HS3ST5: variants seen among roughly 807,000 people sequenced by gnomAD.
The protein encoded by HS3ST5 is heparan sulfate glucosamine 3-O-sulfotransferase 5.
A neutral mutation model predicts 25.4 loss-of-function variants in HS3ST5; 10 were observed. That is an observed-to-expected ratio of 0.39 (90% CI 0.24 to 0.67). The LOEUF (loss-of-function observed/expected upper bound fraction) is 0.67, where lower values mean the gene tolerates loss of function less well. Ranked by LOEUF, HS3ST5 falls within the 30% of genes least tolerant of loss-of-function variation. The probability of loss-of-function intolerance (pLI) is 0.44; values close to 1 mark genes in which losing one functional copy is unlikely to be tolerated. For synonymous variants in HS3ST5, 170 were observed against 162.4 expected (o/e 1.05, Z -0.36); for missense variants, 324 against 420.7 (o/e 0.77, Z 2.01).
chr6:114,163,893 T>C (rs913813653), intron 3 of HS3ST5, among the ~76,000 whole-genome samples: 3 of 152,160 alleles, frequency 2.0e-5, no homozygotes, highest in Admixed American at 6.5e-5. Flanking sequence ...GGTTCTACCA[T>C]TTATTAGTTT....
At chr6:114,266,992 T>C (rs773787059) in intron 1 of HS3ST5, among the ~76,000 whole-genome samples, 1 of 152,228 alleles carries the variant, frequency 6.6e-6, no homozygotes, top group African/African-American at 2.4e-5. Context: ...TTTTATTGCA[T>C]CTTATTATTG....
intron 3 of HS3ST5, among the ~76,000 whole-genome samples, chr6:114,157,806 A>T (rs573140712): frequency 3.3e-5 from 5 of 152,142 alleles, no homozygotes; most frequent in Non-Finnish European, 7.4e-5. Context: ...AGTCTATACA[A>T]CCTTAATGCT....
intron 3 of HS3ST5, among the ~76,000 whole-genome samples, chr6:114,064,547 G>A (rs185966422): frequency 6.6e-6 from 1 of 152,252 alleles, no homozygotes; most frequent in Non-Finnish European, 1.5e-5. Flanking sequence ...ATCCTAAGAG[G>A]GAGAGATAAG....
chr6:114,150,282 G>A (rs1291189779), intron 3 of HS3ST5, among the ~76,000 whole-genome samples: 1 of 152,116 alleles, frequency 6.6e-6, no homozygotes. Context: ...ATGTCACATA[G>A]CCTACGTTCA....
intron 2 of HS3ST5, among the ~76,000 whole-genome samples, chr6:114,190,663 T>A (rs1037555266): frequency 2.0e-5 from 3 of 152,182 alleles, no homozygotes; most frequent in Non-Finnish European, 4.4e-5. Flanking sequence ...TTCTTTTCAT[T>A]CTCCTTATGT....
At chr6:114,233,957 T>C (rs1318159516) in intron 1 of HS3ST5, among the ~76,000 whole-genome samples, 35 of 152,326 alleles carry the variant, frequency 2.3e-4, no homozygotes, top group Non-Finnish European at 4.4e-5. Context: ...GCTGGGAATG[T>C]ATTTTGTTAA....
chr6:114,104,187 C>G (rs184059285), intron 3 of HS3ST5, among the ~76,000 whole-genome samples: 1 of 152,108 alleles, frequency 6.6e-6, no homozygotes, highest in African/African-American at 2.4e-5. Flanking sequence ...GATCCTCTGA[C>G]CCCTAGTCTG....
At chr6:114,082,332 G>A (rs543376889) in intron 3 of HS3ST5, among the ~76,000 whole-genome samples, 121 of 152,278 alleles carry the variant, frequency 7.9e-4, no homozygotes, top group African/African-American at 2.7e-3. Flanking sequence ...AAAGAGTTAA[G>A]TTACTAAAAT....
chr6:114,321,361 A>G (rs1276870078), intron 1 of HS3ST5, among the ~76,000 whole-genome samples: 2 of 152,108 alleles, frequency 1.3e-5, no homozygotes, highest in Admixed American at 1.3e-4. Context: ...CATTAATGCC[A>G]TTAGAGGTGT....
intron 1 of HS3ST5, among the ~76,000 whole-genome samples, chr6:114,283,406 G>T (rs1440734971): frequency 6.6e-6 from 1 of 151,862 alleles, no homozygotes; most frequent in East Asian, 1.9e-4. Context: ...CAATATAAAT[G>T]CTATCAAGAC....
intron 3 of HS3ST5, among the ~76,000 whole-genome samples, chr6:114,145,283 C>T (rs765161344): frequency 6.6e-6 from 1 of 152,208 alleles, no homozygotes; most frequent in Non-Finnish European, 1.5e-5. Flanking sequence ...AACAAAACAC[C>T]TCACACTGAA....
At chr6:114,168,067 A>G (rs1458919163) in intron 3 of HS3ST5, among the ~76,000 whole-genome samples, 2 of 152,158 alleles carry the variant, frequency 1.3e-5, no homozygotes, top group East Asian at 3.8e-4. Context: ...CAAACAAAAA[A>G]CAACACACGC....
chr6:114,341,222 G>GGAGGGAGAGAGA (rs1776840967), intron 1 of HS3ST5, among the ~76,000 whole-genome samples: 2 of 46,602 alleles, frequency 4.3e-5, no homozygotes, highest in Non-Finnish European at 7.3e-5. Context: ...GGAGAGAGGG[G>GGAGGGAGAGAGA]GAGAGAGAGA....
intron 1 of HS3ST5, among the ~76,000 whole-genome samples, chr6:114,311,536 TC>T (rs1775530863): frequency 9.8e-5 from 11 of 111,970 alleles, no homozygotes; most frequent in African/African-American, 3.5e-4. Flanking sequence ...TCTTTCTCTC[TC>T]TCTTTTTTTT....
chr6:114,180,150 C>T (rs1779905100), intron 2 of HS3ST5, among the ~76,000 whole-genome samples: 2 of 152,232 alleles, frequency 1.3e-5, no homozygotes, highest in African/African-American at 4.8e-5. Context: ...CCCAGAAACA[C>T]CCAGATATAT....
intron 3 of HS3ST5, among the ~76,000 whole-genome samples, chr6:114,128,906 G>A (rs574612939): frequency 6.6e-6 from 1 of 152,306 alleles, no homozygotes; most frequent in South Asian, 2.1e-4. Flanking sequence ...AAGAAAAACT[G>A]CTGCTAAGGC....
chr6:114,091,032 C>T (rs1314294812), intron 3 of HS3ST5, among the ~76,000 whole-genome samples: 2 of 152,132 alleles, frequency 1.3e-5, no homozygotes, highest in African/African-American at 4.8e-5. Flanking sequence ...GAGAAAAAAA[C>T]TATTTCTTTC....
At chr6:114,308,460 G>A (rs555649986) in intron 1 of HS3ST5, among the ~76,000 whole-genome samples, 7 of 152,108 alleles carry the variant, frequency 4.6e-5, no homozygotes, top group Admixed American at 1.3e-4. Flanking sequence ...GGTGGCAGGC[G>A]CCTGTAGTCC....
At chr6:114,126,470 A>G (rs1212291478) in intron 3 of HS3ST5, among the ~76,000 whole-genome samples, 1 of 152,230 alleles carries the variant, frequency 6.6e-6, no homozygotes, top group Non-Finnish European at 1.5e-5. Context: ...ATTAAGAAAC[A>G]GGATCCTCCA....
Sources: gnomAD v4.1 joint callset for allele counts (sites outside exome capture counted in the v4.1 genomes callset) on GRCh38, gnomAD v4.1.1 for gene constraint, MANE v1.5 for transcripts, NCBI Gene and HGNC (gene_info 2026-07-23, HGNC 2026-07-21) for gene names.